Variants in PIK3C2G observed in about 807,000 individuals in gnomAD.
The protein encoded by PIK3C2G is phosphatidylinositol 3-kinase C2 domain-containing subunit gamma.
PIK3C2G carries 168 observed loss-of-function variants against 181.1 expected under a neutral mutation model. The observed-to-expected ratio is 0.93, with a 90% CI of 0.82 to 1.05. PIK3C2G has a LOEUF of 1.05. Among genes scored for constraint, PIK3C2G ranks in the 50% least tolerant of loss-of-function variants. The probability of loss-of-function intolerance (pLI) is 0.00; values close to 1 mark genes in which losing one functional copy is unlikely to be tolerated. For missense variants in PIK3C2G, 1,869 were observed against 1,732.8 expected (o/e 1.08, Z -1.40); for synonymous variants, 573 against 592.2 (o/e 0.97, Z 0.47).
chr12:18,449,057 C>T (rs1184081813), intron 18 of PIK3C2G, among the ~76,000 whole-genome samples: 1 of 151,882 alleles, frequency 6.6e-6, no homozygotes, highest in African/African-American at 2.4e-5. Context: ...TTTTGAGAAA[C>T]TTCCATACTG....
chr12:18,487,158 A>G (rs1021846789), intron 18 of PIK3C2G, among the ~76,000 whole-genome samples: 4 of 149,596 alleles, frequency 2.7e-5, no homozygotes, highest in African/African-American at 9.9e-5. Flanking sequence ...GAAGTAAATA[A>G]GAGCCATTAT....
intron 16 of PIK3C2G, among the ~76,000 whole-genome samples, chr12:18,416,544 C>A (rs187348459): frequency 2.8e-4 from 43 of 152,204 alleles, no homozygotes; most frequent in African/African-American, 9.9e-4. Flanking sequence ...ATGCAGCTGG[C>A]GATTTTAAAT....
intron 13 of PIK3C2G, among the ~76,000 whole-genome samples, chr12:18,374,836 C>T (rs1942323890): frequency 1.3e-5 from 2 of 152,034 alleles, no homozygotes; most frequent in Non-Finnish European, 2.9e-5. Flanking sequence ...GTGTGTGGCA[C>T]CTCCTCCCAC....
At position 18,579,000 on chromosome 12, in the gene PIK3C2G, C is replaced by T. The variant is rs375339674; in HGVS notation, c.4011+11943C>T. ...TAGGAAAAGTAAAGATAATCCTATA[C>T]GCTTCTACACTAAAACACACCCCAA... is the stretch of plus-strand genomic sequence containing the variant. On this transcript the variant is annotated intron_variant, in intron 29 of 32. Coordinates refer to ENST00000538779, the MANE Select transcript of PIK3C2G (RefSeq NM_001288772.2). Among the ~76,000 whole-genome samples the T allele has an allele frequency of 1.6e-4, 24 of 152,104 alleles. No individual in the cohort carries two copies. The East Asian group carries it at 2.3e-3, about 15-fold the overall frequency.
At chr12:18,338,706 TGTGC>T (rs1938815456) in intron 9 of PIK3C2G, among the ~76,000 whole-genome samples, 158 bp downstream of exon 9, 2 of 140,036 alleles carry the variant, frequency 1.4e-5, no homozygotes, top group African/African-American at 5.3e-5. Context: ...TGTGTGTGTG[TGTGC>T]ATGCAGCCAA....
intron 9 of PIK3C2G, among the ~76,000 whole-genome samples, chr12:18,341,516 T>A (rs1221866251): frequency 6.6e-6 from 1 of 152,164 alleles, no homozygotes; most frequent in Non-Finnish European, 1.5e-5. Context: ...TTAATATATG[T>A]CAATAGACAA....
chr12:18,352,022 C>T (rs1182398754), intron 11 of PIK3C2G, among the ~76,000 whole-genome samples: 1 of 152,158 alleles, frequency 6.6e-6, no homozygotes, highest in East Asian at 1.9e-4. Flanking sequence ...ATGCAATTCT[C>T]ACAATATATC....
chr12:18,309,458 C>T (rs1950552235), intron 5 of PIK3C2G, among the ~76,000 whole-genome samples: 1 of 151,678 alleles, frequency 6.6e-6, no homozygotes, highest in South Asian at 2.1e-4. Flanking sequence ...ACAAGCTTAG[C>T]TTGTTCATTT....
intron 16 of PIK3C2G, among the ~76,000 whole-genome samples, chr12:18,404,944 T>C (rs1487268479): frequency 6.6e-6 from 1 of 152,022 alleles, no homozygotes; most frequent in Non-Finnish European, 1.5e-5. Flanking sequence ...TGAAAAATGG[T>C]CTGGGACTGA....
chr12:18,365,693 T>C (rs949627308), intron 12 of PIK3C2G, among the ~76,000 whole-genome samples: 1 of 152,196 alleles, frequency 6.6e-6, no homozygotes, highest in African/African-American at 2.4e-5. Flanking sequence ...CTCACTTTTC[T>C]CTTACAGTTA....
chr12:18,313,080 C>T (rs1393487238), intron 5 of PIK3C2G, among the ~76,000 whole-genome samples: 1 of 152,022 alleles, frequency 6.6e-6, no homozygotes, highest in Admixed American at 6.6e-5. Flanking sequence ...AAACAATGTG[C>T]ATTAACATAA....
At chr12:18,578,659 G>T (rs758197110) in intron 29 of PIK3C2G, among the ~76,000 whole-genome samples, 15 of 152,024 alleles carry the variant, frequency 9.9e-5, no homozygotes, top group Non-Finnish European at 1.6e-4. Context: ...GTTATTTTCA[G>T]ATTTTTAAAA....
intron 24 of PIK3C2G, among the ~76,000 whole-genome samples, chr12:18,522,125 T>A (rs1942960914): frequency 6.6e-6 from 1 of 152,344 alleles, no homozygotes; most frequent in Non-Finnish European, 1.5e-5. Flanking sequence ...AGTGCAGGAT[T>A]TGCACACTGT....
chr12:18,590,050 C>T (rs77794472), intron 29 of PIK3C2G, among the ~76,000 whole-genome samples: 2,841 of 151,592 alleles, frequency 0.019, 80 homozygotes, highest in African/African-American at 0.065. Context: ...GTACTGATTC[C>T]AAACAATCAT....
intron 18 of PIK3C2G, among the ~76,000 whole-genome samples, chr12:18,458,766 G>A (rs186847885): frequency 3.2e-4 from 49 of 151,772 alleles, no homozygotes; most frequent in African/African-American, 1.2e-3. Context: ...GATGCTCTGT[G>A]GCTGACTTTG....
chr12:18,452,631 C>T (rs1947426726), intron 18 of PIK3C2G, among the ~76,000 whole-genome samples: 1 of 152,074 alleles, frequency 6.6e-6, no homozygotes, highest in Middle Eastern at 3.4e-3. Context: ...TTTGCTCTTG[C>T]TTCTCTAGTT....
At chr12:18,466,762 A>G (rs1444381023) in intron 18 of PIK3C2G, among the ~76,000 whole-genome samples, 1 of 151,948 alleles carries the variant, frequency 6.6e-6, no homozygotes, top group Admixed American at 6.6e-5. Flanking sequence ...ACTTTAGCAC[A>G]AACAGGAGAA....
In PIK3C2G at chr12:18,444,136, T is replaced by C. The variant is rs114973638; in HGVS notation, c.2504+20097T>C. On this transcript the variant is annotated intron_variant, in intron 18 of 32. Transcript: ENST00000538779. ...AAAGTTCCCATTCCAGTAAAATCTATACACCCATTCTCCTCCAAACACACT... is the reference window on the plus strand; with the variant it reads ...AAAGTTCCCATTCCAGTAAAATCTACACACCCATTCTCCTCCAAACACACT... Among the ~76,000 whole-genome samples, 1,069 of 152,314 alleles carry C rather than the reference T, an allele frequency of 7.0e-3. 6 individuals carry two copies. Among genetic ancestry groups the C allele is most frequent in the African/African-American group, 0.019 (784 of 41,570 alleles).
the PIK3C2G span, among the ~76,000 whole-genome samples, chr12:18,676,084 A>T: frequency 6.6e-6 from 1 of 152,114 alleles, no homozygotes; most frequent in Admixed American, 6.6e-5. Context: ...TGTCTTTCTC[A>T]TTCTTCCTGC....
Sources: gnomAD v4.1 joint callset for allele counts (sites outside exome capture counted in the v4.1 genomes callset) on GRCh38, gnomAD v4.1.1 for gene constraint, MANE v1.5 for transcripts, NCBI Gene and HGNC (gene_info 2026-07-23, HGNC 2026-07-21) for gene names.